PPL: variants seen among roughly 807,000 people sequenced by gnomAD.
PPL encodes 190 kDa paraneoplastic pemphigus antigen.
PPL carries 198 observed loss-of-function variants against 194.4 expected under a neutral mutation model. That is an observed-to-expected ratio of 1.02 (90% CI 0.91 to 1.15). PPL has a LOEUF of 1.15. PPL is among the 50% of genes most tolerant of loss of function. The pLI is 0.00. For synonymous variants in PPL, 1,220 were observed against 972.4 expected, an observed-to-expected ratio of 1.25 and a Z score of -4.74; for missense variants, 2,885 against 2,294.8, an observed-to-expected ratio of 1.26 and a Z score of -5.25.
At chr16:4,895,226 G>T in intron 11 of PPL, 35 bp downstream of exon 11, 2 of 1,565,430 alleles carry the variant, frequency 1.3e-6, no homozygotes, top group African/African-American at 2.7e-5. Context: ...CAAAAACTTT[G>T]TAGTGATGTG....
intron 18 of PPL, among the ~76,000 whole-genome samples, 177 bp from the exon 19 acceptor site, chr16:4,889,238 GTTGTTTTTTTTTTTTTTT>G (rs1156535985): frequency 3.7e-4 from 8 of 21,788 alleles, no homozygotes; most frequent in African/African-American, 6.0e-4. Flanking sequence ...TTTTGTTGTT[GTTGTTTTTTTTTTTTTTT>G]TTTTTTTTTT....
intron 1 of PPL, among the ~76,000 whole-genome samples, chr16:4,932,511 G>A (rs1200039137): frequency 2.0e-5 from 3 of 151,662 alleles, no homozygotes; most frequent in African/African-American, 4.8e-5. Context: ...CCAGGTTCAA[G>A]TGATTCTCCT....
chr16:4,914,166 G>A (rs752014874), intron 1 of PPL, among the ~76,000 whole-genome samples: 10 of 152,152 alleles, frequency 6.6e-5, no homozygotes, highest in Non-Finnish European at 1.2e-4. Context: ...GGCACGTCCC[G>A]TGGGGTGGGC....
In PPL at chr16:4,913,483, G is replaced by C. The variant is rs1429219569; in HGVS notation, c.63-2534C>G. 3.3e-5 allele frequency among the ~76,000 whole-genome samples: 5 copies of C among 152,210 alleles called. No homozygotes were observed. The East Asian group carries it at 9.6e-4, about 29-fold the overall frequency. ...GTGCATAGAGCCGGGCACAGAATAA[G>C]TCTGAACAAAGGTTTGTGATTTTAG... On this transcript the variant is annotated intron_variant, in intron 1 of 21. Transcript: ENST00000345988.
intron 1 of PPL, among the ~76,000 whole-genome samples, chr16:4,919,855 G>C (rs2088999994): frequency 6.6e-6 from 1 of 152,148 alleles, no homozygotes; most frequent in African/African-American, 2.4e-5. Flanking sequence ...CTTGAGCCCA[G>C]GAGGTCAAGG....
Position 4,937,066 on chromosome 16 carries a change from C to A in PPL, c.-21G>T. 1.5e-6 allele frequency: 2 copies of A among 1,364,090 alleles called. No homozygotes were observed. Among genetic ancestry groups the A allele is most frequent in the East Asian group, 3.0e-5 (1 of 33,496 alleles). The allele number at this position is 1,364,090 out of a possible 1,614,324, so 84.5% of individuals were successfully genotyped here. On this transcript the variant is annotated 5_prime_UTR_variant, in exon 1 of 22. Transcript: ENST00000345988. ...TTCATGGTGGCGCTCGGGGTGCGGG[C>A]GGCGGCGGCTGGCGGGCCGGGCGCG...
chr16:4,932,108 C>T (rs1283893922), intron 1 of PPL, among the ~76,000 whole-genome samples: 3 of 152,354 alleles, frequency 2.0e-5, no homozygotes, highest in South Asian at 4.1e-4. Flanking sequence ...CCAGGCCCCC[C>T]TGGACTTCCA....
chr16:4,906,564 T>A (rs1024309588), intron 2 of PPL, among the ~76,000 whole-genome samples: 3 of 152,226 alleles, frequency 2.0e-5, no homozygotes, highest in Admixed American at 6.5e-5. Flanking sequence ...TATCACCAGC[T>A]TCCCTGAGCT....
At chr16:4,925,450 T>C (rs2089138839) in intron 1 of PPL, among the ~76,000 whole-genome samples, 1 of 152,172 alleles carries the variant, frequency 6.6e-6, no homozygotes, top group Non-Finnish European at 1.5e-5. Flanking sequence ...CATCACCCAT[T>C]GACGTCTCAT....
chr16:4,895,985 T>C (rs2088420040), intron 9 of PPL, among the ~76,000 whole-genome samples: 2 of 152,228 alleles, frequency 1.3e-5, no homozygotes, highest in South Asian at 4.1e-4. Context: ...TTCTTGGATG[T>C]ATCAGTAAGT....
rs773685184 is a variant in PPL at position 4,890,972 on chromosome 16, C to A, written c.1969-51G>T. The A allele has an allele frequency of 3.4e-6, 5 of 1,449,678 alleles. No homozygotes were observed. The Admixed American group carries it at 1.3e-4, about 39-fold the overall frequency. The allele number at this position is 1,449,678 out of a possible 1,614,324, so 89.8% of individuals were successfully genotyped here. A position where few individuals can be genotyped will look rare whatever the true frequency, so the allele number is the denominator to read the frequency against. The stretch of plus-strand genomic sequence containing the variant: ...GGTGCTACGGCCAGAGCTCCCAGAG[C>A]CAGGCGATGACACCCACTGAAGCCC... On this transcript the variant is annotated intron_variant, in intron 16 of 21. Transcript: ENST00000345988.
In PPL at chr16:4,890,326, C is replaced by T; in HGVS notation, c.2171G>A (p.Ser724Asn). 1.2e-6 allele frequency: 2 copies of T among 1,612,222 alleles called. No homozygotes were observed. The highest frequency in any genetic ancestry group is 1.7e-6 in the Non-Finnish European group (2 of 1,179,040). The change falls in exon 18 of 22, where the codon AGC becomes AAC. Residue 724 changes from serine to asparagine, a missense_variant. Physicochemically the swap from Ser to Asn is conservative, Grantham distance 46. Transcript: ENST00000345988. ...GTAGGCTGCCTTGGCGCTCTGTAGGCTCTGCGCCCTGTCAAGGCAAAGCGT... is the reference window on the plus strand; with the variant it reads ...GTAGGCTGCCTTGGCGCTCTGTAGGTTCTGCGCCCTGTCAAGGCAAAGCGT... ...LRQQVERRAQ[S>N]LQSAKAAYEH...
At chr16:4,887,272 A>G (rs764900231) in intron 20 of PPL, 45 bp from the exon 21 acceptor site, 3 of 1,418,852 alleles carry the variant, frequency 2.1e-6, no homozygotes, top group African/African-American at 2.8e-5. Context: ...ACAGGTGTCA[A>G]CAGGGTAAGC....
rs757783826 is a variant in PPL, at chr16:4,895,407, C to T, written c.1096G>A (p.Asp366Asn). Residue 366 changes from aspartate (D) to asparagine (N), a missense_variant and splice_region_variant, in exon 11 of 22, where the codon GAC (aspartate) becomes AAC (asparagine). Physicochemically the swap from Asp to Asn is conservative, Grantham distance 23 (BLOSUM62 1). Coordinates refer to ENST00000345988, the MANE Select transcript of PPL (RefSeq NM_002705.5). ...TACTTGTCCAGCACCTTCTCCTGGT[C>T]CTGGAGAGAACGGGGTCAGGGGCCC... ...QIELLLRELDDQEKVLDKYED... is the reference protein window; with the variant it reads ...QIELLLRELDNQEKVLDKYED... 6.2e-7 allele frequency: 1 copy of T among 1,612,916 alleles called. No homozygotes were observed.
At position 4,884,561 on chromosome 16, in the gene PPL, C is replaced by T. The variant is rs146071399; in HGVS notation, c.4094G>A (p.Arg1365Gln). The T allele has an allele frequency of 6.4e-5, 103 of 1,613,808 alleles. No individual in the cohort carries two copies. The highest frequency in any genetic ancestry group is 1.6e-4 in the Middle Eastern group (1 of 6,084). The change falls in exon 22 of 22, where the codon CGG becomes CAG. Residue 1365 changes from arginine to glutamine, a missense_variant. Coordinates refer to ENST00000345988, the MANE Select transcript of PPL (RefSeq NM_002705.5). This position sits in a 1 kb window ranked among gnomAD's most constrained non-coding sequence, Gnocchi z 5.7. The part of the protein sequence containing the change: ...VVRYEEEPGL[R>Q]AEASAFAESI... ...CTCGGCAAAGGCGCTCGCCTCGGCC[C>T]GCAGGCCTGGCTCCTCCTCATACCT... is the stretch of plus-strand genomic sequence containing the variant.
chr16:4,912,770 G>A (rs548061082), intron 1 of PPL, among the ~76,000 whole-genome samples: 7 of 152,260 alleles, frequency 4.6e-5, no homozygotes, highest in African/African-American at 1.7e-4. Context: ...CCGTGGTGGC[G>A]TCAGGCCCAG....
intron 9 of PPL, among the ~76,000 whole-genome samples, chr16:4,896,204 C>T (rs942736991): frequency 8.5e-5 from 13 of 152,300 alleles, no homozygotes; most frequent in Non-Finnish European, 1.5e-4. Flanking sequence ...ACCTGAAGCC[C>T]CCACTGTGCG....
rs187130130 is a variant in PPL, at chr16:4,931,444, C to T, written c.62+5540G>A. 3.1e-3 allele frequency among the ~76,000 whole-genome samples: 479 copies of T among 152,222 alleles called. 2 individuals carry two copies. The highest frequency in any genetic ancestry group is 5.1e-3 in the Non-Finnish European group (346 of 67,998). ...GCTGGGACCTGAAGAGAGCTTTGTC[C>T]CACCCGGAGGCAGAAAGGGGCACCA... On this transcript the variant is annotated intron_variant, in intron 1 of 21. Coordinates refer to ENST00000345988, the MANE Select transcript of PPL (RefSeq NM_002705.5).
chr16:4,917,318 A>G lies in PPL; in HGVS notation c.63-6369T>C, dbSNP rs529652904. Among the ~76,000 whole-genome samples, 4 of 152,304 alleles carry G rather than the reference A, an allele frequency of 2.6e-5. No individual in the cohort carries two copies. In the South Asian group the frequency reaches 8.3e-4, roughly 32 times the overall value. On this transcript the variant is annotated intron_variant, in intron 1 of 21. Transcript: ENST00000345988. ...AAACCAAACGTGGTCTATCTCTATTATTCGGCCAAAGAATGAAGGCAGGAC... is the reference window on the plus strand; with the variant it reads ...AAACCAAACGTGGTCTATCTCTATTGTTCGGCCAAAGAATGAAGGCAGGAC...
Sources: allele counts gnomAD v4.1 joint callset (sites outside exome capture counted in the v4.1 genomes callset), GRCh38; gene constraint gnomAD v4.1.1; non-coding constraint Gnocchi (gnomAD v3.1); transcripts MANE v1.5; gene names NCBI Gene and HGNC (gene_info 2026-07-23, HGNC 2026-07-21).